Variants in SLC71A1 observed in about 807,000 individuals in gnomAD.
The protein encoded by SLC71A1 is hippocampus abundant gene transcript 1.
chr1:100,072,647 A>G, the SLC71A1 span, among the ~76,000 whole-genome samples: 1 of 152,002 alleles, frequency 6.6e-6, no homozygotes, highest in East Asian at 1.9e-4. Context: ...ACGTGAAATT[A>G]TAGTTATGTA....
At chr1:100,052,758 TTTTC>T in the SLC71A1 span, among the ~76,000 whole-genome samples, 1 of 148,248 alleles carries the variant, frequency 6.7e-6, no homozygotes, top group Non-Finnish European at 1.5e-5. Context: ...TTAATTTTTG[TTTTC>T]TTTTTCTTTT....
At chr1:100,049,927 C>G in the SLC71A1 span, 1 of 1,602,516 alleles carries the variant, frequency 6.2e-7, no homozygotes, top group Non-Finnish European at 8.5e-7. Context: ...AATAGGTTCT[C>G]CTAGTGTCTA....
the SLC71A1 span, chr1:100,080,176 T>C: frequency 5.5e-6 from 1 of 183,196 alleles, no homozygotes; most frequent in Middle Eastern, 2.3e-3. Flanking sequence ...ACATTTGTAG[T>C]TGTGAAATTG....
the SLC71A1 span, among the ~76,000 whole-genome samples, chr1:100,074,290 C>A: frequency 2.6e-5 from 4 of 152,142 alleles, no homozygotes; most frequent in Non-Finnish European, 4.4e-5. Flanking sequence ...AAAATATATT[C>A]TTGGCCGGGC....
the SLC71A1 span, among the ~76,000 whole-genome samples, chr1:100,064,509 C>T: frequency 6.6e-6 from 1 of 152,306 alleles, no homozygotes; most frequent in East Asian, 1.9e-4. Context: ...AAAATGTTCC[C>T]TCAGCCCTGT....
At chr1:100,068,150 A>T in the SLC71A1 span, 1 of 1,614,146 alleles carries the variant, frequency 6.2e-7, no homozygotes, top group Non-Finnish European at 8.5e-7. Flanking sequence ...TGCGGCCAGC[A>T]TCCTGGGGAG....
chr1:100,071,631 A>G, the SLC71A1 span, among the ~76,000 whole-genome samples: 1 of 152,342 alleles, frequency 6.6e-6, no homozygotes, highest in Non-Finnish European at 1.5e-5. Context: ...TAAGATTTAG[A>G]TGAAGAGAGC....
At chr1:100,068,807 A>G in the SLC71A1 span, among the ~76,000 whole-genome samples, 4 of 152,200 alleles carry the variant, frequency 2.6e-5, no homozygotes, top group African/African-American at 9.6e-5. Context: ...ACATGGCAAA[A>G]TCCTATGCTT....
chr1:100,077,809 T>C, the SLC71A1 span, among the ~76,000 whole-genome samples: 9 of 152,176 alleles, frequency 5.9e-5, no homozygotes, highest in Non-Finnish European at 1.0e-4. Flanking sequence ...GTAGATAGTA[T>C]TATTGTGCTC....
At chr1:100,068,447 A>C in the SLC71A1 span, 1 of 1,450,544 alleles carries the variant, frequency 6.9e-7, no homozygotes, top group Non-Finnish European at 9.7e-7. Flanking sequence ...AAAACCTTAT[A>C]TCAATCAGTC....
At chr1:100,040,424 C>G in the SLC71A1 span, among the ~76,000 whole-genome samples, 1 of 152,174 alleles carries the variant, frequency 6.6e-6, no homozygotes, top group Non-Finnish European at 1.5e-5. Context: ...ATCTACCTCT[C>G]TACTTACAAT....
the SLC71A1 span, among the ~76,000 whole-genome samples, chr1:100,047,546 C>A: frequency 1.3e-5 from 2 of 152,224 alleles, no homozygotes; most frequent in Admixed American, 1.3e-4. Context: ...CCTCAGCTTC[C>A]TGAGTAGCTG....
At chr1:100,038,384 C>T in the SLC71A1 span, 1 of 1,283,708 alleles carries the variant, frequency 7.8e-7, no homozygotes, top group South Asian at 1.3e-5. Flanking sequence ...CAGACCCCCA[C>T]ACTGCCGTCT....
At chr1:100,057,997 TA>T in the SLC71A1 span, 3 of 152,222 alleles carry the variant, frequency 2.0e-5, no homozygotes, top group African/African-American at 7.2e-5. Flanking sequence ...ATATAGGCTG[TA>T]AAAATGGTAG....
the SLC71A1 span, among the ~76,000 whole-genome samples, chr1:100,060,965 G>C: frequency 6.6e-6 from 1 of 152,102 alleles, no homozygotes; most frequent in Non-Finnish European, 1.5e-5. Context: ...TATGGGGCAG[G>C]ATCTTCTTCT....
the SLC71A1 span, among the ~76,000 whole-genome samples, chr1:100,056,321 A>G: frequency 6.6e-6 from 1 of 152,184 alleles, no homozygotes; most frequent in South Asian, 2.1e-4. Flanking sequence ...CTCCAGTTCC[A>G]TCCATGTTGT....
At chr1:100,047,697 C>T in the SLC71A1 span, among the ~76,000 whole-genome samples, 1 of 152,212 alleles carries the variant, frequency 6.6e-6, no homozygotes, top group Non-Finnish European at 1.5e-5. Context: ...GCTGGAATTA[C>T]AGGTGAGAGC....
the SLC71A1 span, among the ~76,000 whole-genome samples, chr1:100,047,750 C>T: frequency 6.6e-6 from 1 of 152,114 alleles, no homozygotes; most frequent in African/African-American, 2.4e-5. Context: ...AGACCTCCTT[C>T]CTGAAGGAGG....
the SLC71A1 span, chr1:100,050,002 G>A: frequency 6.5e-7 from 1 of 1,534,382 alleles, no homozygotes; most frequent in African/African-American, 1.4e-5. Flanking sequence ...ACCCACCTTG[G>A]TGGTAAGTAA....
Sources: gnomAD v4.1 joint callset for allele counts (sites outside exome capture counted in the v4.1 genomes callset) on GRCh38, gnomAD v4.1.1 for gene constraint, MANE v1.5 for transcripts, NCBI Gene and HGNC (gene_info 2026-07-23, HGNC 2026-07-21) for gene names.